The following MLLT3 variants were observed in gnomAD, a reference collection of about 807,000 sequenced individuals.
MLLT3 encodes the protein MLLT3 super elongation complex subunit.
A neutral mutation model predicts 53.2 loss-of-function variants in MLLT3; 4 were observed. The ratio of observed to expected loss-of-function variants is 0.08; its 90% CI spans 0.04 to 0.17. The LOEUF is 0.17. Among genes scored for constraint, MLLT3 ranks in the 10% least tolerant of loss-of-function variants. MLLT3 has a pLI of 1.00. For missense variants in MLLT3, 569 were observed against 684.0 expected (o/e 0.83, Z 1.87); for synonymous variants, 283 against 230.6 (o/e 1.23, Z -2.06).
chr9:20,520,749 C>T (rs753716757), intron 2 of MLLT3, among the ~76,000 whole-genome samples: 7 of 152,068 alleles, frequency 4.6e-5, no homozygotes, highest in Non-Finnish European at 7.4e-5. Flanking sequence ...AAAAAGGGGA[C>T]GTTCTCAGAA....
At chr9:20,434,040 G>C (rs1823342938) in intron 4 of MLLT3, among the ~76,000 whole-genome samples, 1 of 152,096 alleles carries the variant, frequency 6.6e-6, no homozygotes, top group Admixed American at 6.5e-5. Flanking sequence ...AGAATCGCTT[G>C]AATCTGGGAA....
chr9:20,583,752 T>C (rs993035539), intron 2 of MLLT3, among the ~76,000 whole-genome samples: 1 of 152,190 alleles, frequency 6.6e-6, no homozygotes, highest in African/African-American at 2.4e-5. Context: ...CAAGTCCCTA[T>C]GCTGCACACA....
chr9:20,615,369 A>C (rs1587134981), intron 2 of MLLT3, among the ~76,000 whole-genome samples: 5 of 145,376 alleles, frequency 3.4e-5, no homozygotes, highest in Admixed American at 1.4e-4. Flanking sequence ...TGAAAAAAAA[A>C]AAAAAAAAAA....
chr9:20,547,945 T>C (rs10448200), intron 2 of MLLT3, among the ~76,000 whole-genome samples: 106,068 of 152,092 alleles, frequency 0.7, 37,253 homozygotes, highest in East Asian at 0.85. Context: ...CAGCAAGATC[T>C]TATCTCAAAA....
At chr9:20,491,950 A>G (rs1353803597) in intron 2 of MLLT3, among the ~76,000 whole-genome samples, 2 of 152,044 alleles carry the variant, frequency 1.3e-5, no homozygotes, top group Non-Finnish European at 2.9e-5. Flanking sequence ...AATTCCAACC[A>G]GTAATGTGAA....
chr9:20,622,473 A>AGCAGCT lies in MLLT3; in HGVS notation c.-223_-218dup. ...CAAAAGCAAAAGCAGCAGCAGCAGC[A>AGCAGCT]GCAGCTCCAGGGTAAAGAAGATGAT... On this transcript the variant is annotated 5_prime_UTR_variant, in exon 1 of 11. Transcript: ENST00000380338. The AGCAGCT allele has an allele frequency of 1.9e-6, 1 of 540,194 alleles. No individual in the cohort carries two copies. Among genetic ancestry groups the AGCAGCT allele is most frequent in the South Asian group, 2.5e-5 (1 of 39,432 alleles). 33.5% of individuals were successfully genotyped at this position (540,194 alleles called of 1,614,324 possible). A position where few individuals can be genotyped will look rare whatever the true frequency, so the allele number is the denominator to read the frequency against.
intron 2 of MLLT3, among the ~76,000 whole-genome samples, chr9:20,583,429 A>G (rs1323464612): frequency 6.6e-6 from 1 of 152,114 alleles, no homozygotes; most frequent in Admixed American, 6.5e-5. Context: ...CAGTTCCACT[A>G]TGCAGTGCCC....
intron 4 of MLLT3, among the ~76,000 whole-genome samples, chr9:20,445,063 C>T (rs916914732): frequency 1.3e-5 from 2 of 151,782 alleles, no homozygotes; most frequent in African/African-American, 4.8e-5. Context: ...TGCACTCCAG[C>T]CTGGGCAACA....
chr9:20,405,379 G>T (rs146257352), intron 5 of MLLT3, among the ~76,000 whole-genome samples: 1 of 152,136 alleles, frequency 6.6e-6, no homozygotes, highest in Non-Finnish European at 1.5e-5. Context: ...TCAGATGATG[G>T]GAAGGTTAAC....
In MLLT3 at chr9:20,425,976, T is replaced by C. The variant is rs532342300; in HGVS notation, c.421-11551A>G. ...CAAAAATATTTAATATTTTACAAAA[T>C]AATATTTTAAATAGACAAAATATAT... On this transcript the variant is annotated intron_variant, in intron 4 of 10. Transcript: ENST00000380338. 8.5e-5 allele frequency among the ~76,000 whole-genome samples: 13 copies of C among 152,132 alleles called. No homozygotes were observed. In the South Asian group the frequency reaches 2.7e-3, roughly 32 times the overall value.
chr9:20,477,631 G>A (rs1300538584), intron 2 of MLLT3, among the ~76,000 whole-genome samples: 1 of 152,070 alleles, frequency 6.6e-6, no homozygotes, highest in Non-Finnish European at 1.5e-5. Context: ...CTGGGGCCCA[G>A]GAAGAGTCAC....
chr9:20,394,870 C>T (rs1321490256), intron 5 of MLLT3, among the ~76,000 whole-genome samples: 1 of 151,990 alleles, frequency 6.6e-6, no homozygotes, highest in Admixed American at 6.6e-5. Flanking sequence ...TTAAAATGGG[C>T]CCATTTAAAA....
chr9:20,429,001 A>G (rs964799357), intron 4 of MLLT3, among the ~76,000 whole-genome samples: 4 of 152,172 alleles, frequency 2.6e-5, no homozygotes, highest in African/African-American at 9.6e-5. Flanking sequence ...GAAAACATCA[A>G]GCCCACAGGG....
chr9:20,368,404 A>T (rs986078419), intron 5 of MLLT3, among the ~76,000 whole-genome samples: 1 of 152,162 alleles, frequency 6.6e-6, no homozygotes, highest in African/African-American at 2.4e-5. Context: ...GCCGAAAAGG[A>T]GGTTTCCTTA....
chr9:20,506,515 C>A (rs1317538627), intron 2 of MLLT3, among the ~76,000 whole-genome samples: 2 of 152,028 alleles, frequency 1.3e-5, no homozygotes, highest in Non-Finnish European at 2.9e-5. Flanking sequence ...CAAAGCCAGT[C>A]TTCAGTGAAA....
At chr9:20,545,096 CAAAAAAAA>C (rs60850984) in intron 2 of MLLT3, among the ~76,000 whole-genome samples, 3 of 48,076 alleles carry the variant, frequency 6.2e-5, no homozygotes, top group African/African-American at 1.6e-4. Flanking sequence ...CCTATCTCTA[CAAAAAAAA>C]AAAAAAAAAA....
At chr9:20,367,030 C>A (rs919085728) in intron 5 of MLLT3, among the ~76,000 whole-genome samples, 15 of 152,204 alleles carry the variant, frequency 9.9e-5, no homozygotes, top group African/African-American at 2.7e-4. Context: ...CCACAGTTCA[C>A]AAATGGAGGC....
chr9:20,555,465 C>G (rs956305642), intron 2 of MLLT3, among the ~76,000 whole-genome samples: 2 of 152,044 alleles, frequency 1.3e-5, no homozygotes, highest in Admixed American at 6.6e-5. Context: ...AGTTCTTGAA[C>G]CCATAAAGCT....
In MLLT3 at chr9:20,479,140, T is replaced by C. The variant is rs536324066; in HGVS notation, c.194-22354A>G. Among the ~76,000 whole-genome samples, 60 of 152,280 alleles carry C rather than the reference T, an allele frequency of 3.9e-4. 1 individual carries two copies. The highest frequency in any genetic ancestry group is 7.2e-4 in the Admixed American group (11 of 15,288). ...AGTGGGTAATTTGGAAAGAACGATT[T>C]AAAATGGTTTCCTTTACAAGTTTAA... On this transcript the variant is annotated intron_variant, in intron 2 of 10. Transcript: ENST00000380338.
Sources: gnomAD v4.1 joint callset for allele counts (sites outside exome capture counted in the v4.1 genomes callset) on GRCh38, gnomAD v4.1.1 for gene constraint, MANE v1.5 for transcripts, NCBI Gene and HGNC (gene_info 2026-07-23, HGNC 2026-07-21) for gene names.